CNTN5: variants seen among roughly 807,000 people sequenced by gnomAD.
The protein encoded by CNTN5 is contactin 5.
A neutral mutation model predicts 129.1 loss-of-function variants in CNTN5; 77 were observed. The ratio of observed to expected loss-of-function variants is 0.60; its 90% CI spans 0.50 to 0.72. The LOEUF (loss-of-function observed/expected upper bound fraction) is 0.72, where lower values mean the gene tolerates loss of function less well. Ranked by LOEUF, CNTN5 falls within the 30% of genes least tolerant of loss-of-function variation. The probability of loss-of-function intolerance (pLI) is 0.00; values close to 1 mark genes in which losing one functional copy is unlikely to be tolerated. For missense variants in CNTN5, 1,478 were observed against 1,328.8 expected, an observed-to-expected ratio of 1.11 and a Z score of -1.75; for synonymous variants, 509 against 465.6, an observed-to-expected ratio of 1.09 and a Z score of -1.20.
Position 99,349,202 on chromosome 11 carries a change from G to A in CNTN5, c.-71+23718G>A, listed in dbSNP as rs78949431. 6.4e-3 allele frequency among the ~76,000 whole-genome samples: 977 copies of A among 152,238 alleles called. 5 individuals carry two copies. The highest frequency in any genetic ancestry group is 9.9e-3 in the Non-Finnish European group (674 of 68,012). ...AATGTGCCCGATCGTGTCTGAAAGG[G>A]CAATATTACAGTCACAAGCTGAACA... On this transcript the variant is annotated intron_variant, in intron 2 of 24. Transcript: ENST00000524871.
At chr11:99,917,774 G>A (rs1454531813) in intron 7 of CNTN5, among the ~76,000 whole-genome samples, 1 of 152,134 alleles carries the variant, frequency 6.6e-6, no homozygotes, top group Non-Finnish European at 1.5e-5. Flanking sequence ...AGAGAAAACT[G>A]TATACAGATT....
intron 13 of CNTN5, among the ~76,000 whole-genome samples, chr11:100,113,514 A>G (rs1283568999): frequency 6.6e-6 from 1 of 151,088 alleles, no homozygotes; most frequent in Non-Finnish European, 1.5e-5. Context: ...CAAACAAAAA[A>G]CTTTGAAAAG....
At chr11:99,957,329 C>G (rs1349676178) in intron 8 of CNTN5, among the ~76,000 whole-genome samples, 1 of 152,142 alleles carries the variant, frequency 6.6e-6, no homozygotes, top group Non-Finnish European at 1.5e-5. Flanking sequence ...CTCTATATAA[C>G]ATATGTGTAT....
At chr11:99,895,136 A>G (rs1949172165) in intron 6 of CNTN5, among the ~76,000 whole-genome samples, 1 of 152,152 alleles carries the variant, frequency 6.6e-6, no homozygotes, top group Non-Finnish European at 1.5e-5. Flanking sequence ...CAGATAATAG[A>G]ATTGTGATTT....
intron 1 of CNTN5, among the ~76,000 whole-genome samples, chr11:99,034,776 C>T (rs1202532860): frequency 6.6e-6 from 1 of 151,854 alleles, no homozygotes; most frequent in Admixed American, 6.6e-5. Flanking sequence ...TCCTTCAGTT[C>T]TGCTCTGATT....
intron 8 of CNTN5, among the ~76,000 whole-genome samples, chr11:99,975,654 T>A (rs959663967): frequency 1.3e-5 from 2 of 151,340 alleles, no homozygotes; most frequent in African/African-American, 4.9e-5. Flanking sequence ...AGATCGCGAG[T>A]TGGGAAAAGC....
Position 100,281,653 on chromosome 11 carries a change from A to G in CNTN5, c.2314+10412A>G, listed in dbSNP as rs570349689. Among the ~76,000 whole-genome samples, 18 of 152,194 alleles carry G rather than the reference A, an allele frequency of 1.2e-4. 1 individual carries two copies. The highest frequency in any genetic ancestry group is 4.3e-4 in the African/African-American group (18 of 41,544). ...TTCTCTAGGTTTGGGAAGTTCTCTGATATTATCCATTTGAATAAACTTCAT... is the reference window on the plus strand; with the variant it reads ...TTCTCTAGGTTTGGGAAGTTCTCTGGTATTATCCATTTGAATAAACTTCAT... On this transcript the variant is annotated intron_variant, in intron 18 of 24. Transcript: ENST00000524871.
chr11:99,825,877 A>C (rs935133219), intron 4 of CNTN5, among the ~76,000 whole-genome samples: 2 of 152,124 alleles, frequency 1.3e-5, no homozygotes, highest in Non-Finnish European at 2.9e-5. Context: ...CCCAGCACTT[A>C]AGAGACAATT....
intron 6 of CNTN5, among the ~76,000 whole-genome samples, chr11:99,870,610 A>G (rs1948479028): frequency 6.6e-6 from 1 of 152,176 alleles, no homozygotes; most frequent in Non-Finnish European, 1.5e-5. Flanking sequence ...TTCTACCATC[A>G]ATGGTAGACA....
At chr11:100,205,274 T>G (rs1948889967) in intron 15 of CNTN5, among the ~76,000 whole-genome samples, 1 of 152,046 alleles carries the variant, frequency 6.6e-6, no homozygotes, top group African/African-American at 2.4e-5. Flanking sequence ...GGTGACTAAG[T>G]GTTATGATAT....
At chr11:100,334,432 AT>A (rs1397268942) in intron 21 of CNTN5, among the ~76,000 whole-genome samples, 1 of 152,188 alleles carries the variant, frequency 6.6e-6, no homozygotes, top group Non-Finnish European at 1.5e-5. Context: ...ACTACTAGGT[AT>A]CTACCCAGAG....
chr11:99,039,789 A>G (rs549136483), intron 1 of CNTN5, among the ~76,000 whole-genome samples: 1 of 152,282 alleles, frequency 6.6e-6, no homozygotes, highest in South Asian at 2.1e-4. Context: ...GTTGAGAAAT[A>G]GATGGCCTGA....
chr11:100,288,429 C>T (rs1184598405), intron 18 of CNTN5, among the ~76,000 whole-genome samples: 1 of 152,208 alleles, frequency 6.6e-6, no homozygotes, highest in East Asian at 1.9e-4. Flanking sequence ...ACAGTGCAAT[C>T]AAACTAGAAC....
chr11:99,463,443 G>GAAAA (rs66933434), intron 2 of CNTN5, among the ~76,000 whole-genome samples: 5,567 of 126,794 alleles, frequency 0.044, 440 homozygotes, highest in South Asian at 0.093. Context: ...GTCTCAAAAA[G>GAAAA]AAAAAAAAAA....
At chr11:100,161,886 A>C (rs979706445) in intron 13 of CNTN5, among the ~76,000 whole-genome samples, 3 of 141,956 alleles carry the variant, frequency 2.1e-5, no homozygotes, top group South Asian at 4.3e-4. Flanking sequence ...ACAAAAAACA[A>C]AAAACAAAAA....
intron 24 of CNTN5, among the ~76,000 whole-genome samples, chr11:100,354,577 G>T (rs1307677574): frequency 6.6e-6 from 1 of 151,358 alleles, no homozygotes; most frequent in Admixed American, 6.6e-5. Flanking sequence ...AATGTTATTA[G>T]ATTTTAAAAT....
At chr11:99,128,879 A>T (rs542685017) in intron 1 of CNTN5, among the ~76,000 whole-genome samples, 142 of 152,330 alleles carry the variant, frequency 9.3e-4, no homozygotes, top group Non-Finnish European at 1.7e-3. Context: ...GAGGACCGTG[A>T]CTGTTAGAAG....
At chr11:99,938,255 T>C (rs1451650297) in intron 7 of CNTN5, among the ~76,000 whole-genome samples, 1 of 152,146 alleles carries the variant, frequency 6.6e-6, no homozygotes, top group African/African-American at 2.4e-5. Context: ...TTATAAACCA[T>C]ACCCATGTCT....
At chr11:99,067,205 A>G (rs1865137091) in intron 1 of CNTN5, among the ~76,000 whole-genome samples, 1 of 152,174 alleles carries the variant, frequency 6.6e-6, no homozygotes, top group African/African-American at 2.4e-5. Context: ...GATTTCTAAT[A>G]TAGCACCAAA....
Sources: gnomAD v4.1 joint callset for allele counts (sites outside exome capture counted in the v4.1 genomes callset) on GRCh38, gnomAD v4.1.1 for gene constraint, MANE v1.5 for transcripts, NCBI Gene and HGNC (gene_info 2026-07-23, HGNC 2026-07-21) for gene names.